RILPL1: variants seen among roughly 807,000 people sequenced by gnomAD.
The protein encoded by RILPL1 is RILP-like protein 1.
RILPL1 carries 33 observed loss-of-function variants against 50.3 expected under a neutral mutation model. The observed-to-expected ratio is 0.66, with a 90% CI of 0.50 to 0.88. The LOEUF is 0.88. RILPL1 is among the 40% of genes least tolerant of loss of function. RILPL1 has a pLI of 0.00. For missense variants in RILPL1, 418 were observed against 542.5 expected (o/e 0.77, Z 2.28); for synonymous variants, 205 against 228.6 (o/e 0.90, Z 0.93).
At chr12:123,507,024 C>A (rs1173091818) in intron 2 of RILPL1, among the ~76,000 whole-genome samples, 1 of 152,022 alleles carries the variant, frequency 6.6e-6, no homozygotes, top group Non-Finnish European at 1.5e-5. Flanking sequence ...CATTTAGCCA[C>A]CAGAATGGCT....
At chr12:123,523,715 CAG>C in intron 1 of RILPL1, 70 bp from the exon 2 acceptor site, 1 of 1,534,344 alleles carries the variant, frequency 6.5e-7, no homozygotes, top group Non-Finnish European at 8.7e-7. Context: ...CTCCGACCCT[CAG>C]GGGCAGCTTG....
At chr12:123,526,696 T>G (rs536451443) in intron 1 of RILPL1, among the ~76,000 whole-genome samples, 18 of 152,144 alleles carry the variant, frequency 1.2e-4, no homozygotes, top group Admixed American at 7.2e-4. Context: ...GCCTGCTGCA[T>G]TGGGGAAGAG....
rs1883988906 is a variant in RILPL1, at chr12:123,510,023, G to GC, written c.461-10488dup. Among the ~76,000 whole-genome samples, 3 of 152,340 alleles carry GC rather than the reference G, an allele frequency of 2.0e-5. No homozygotes were observed. The South Asian group carries it at 6.2e-4, about 32-fold the overall frequency. ...AGGAAGGTGGGAAAGACAGGGGAAGGCCCCCCTGGACCCTTGGGGAGCCCA... is the reference window on the plus strand; with the variant it reads ...AGGAAGGTGGGAAAGACAGGGGAAGGCCCCCCCTGGACCCTTGGGGAGCCCA... On this transcript the variant is annotated intron_variant, in intron 2 of 6. Coordinates refer to ENST00000376874, the MANE Select transcript of RILPL1 (RefSeq NM_178314.5).
Position 123,511,814 on chromosome 12 carries a change from TCTG to T in RILPL1, c.460+11678_460+11680del, listed in dbSNP as rs1319534674. ...TGAGGTCTGTGTGTGGTGTGTGAGG[TCTG>T]TGTGTGTGTGTGAGATCTGTATGTG... On this transcript the variant is annotated intron_variant, in intron 2 of 6. Coordinates refer to ENST00000376874, the MANE Select transcript of RILPL1 (RefSeq NM_178314.5). 2.7e-4 allele frequency among the ~76,000 whole-genome samples: 28 copies of T among 105,340 alleles called. 1 individual carries two copies. The highest frequency in any genetic ancestry group is 1.9e-4 in the Admixed American group (2 of 10,434). 69.1% of individuals were successfully genotyped at this position (105,340 alleles called of 152,430 possible).
chr12:123,517,420 T>C (rs945391219), intron 2 of RILPL1, among the ~76,000 whole-genome samples: 1 of 139,206 alleles, frequency 7.2e-6, no homozygotes, highest in African/African-American at 2.8e-5. Context: ...ATTTTGTTGT[T>C]ATTGTTTTTT....
chr12:123,475,377 GACCTTCTTT>G (rs1881517561), intron 6 of RILPL1: 1 of 442,632 alleles, frequency 2.3e-6, no homozygotes. Context: ...TCACTTAAAG[GACCTTCTTT>G]ACTGGATCAT....
At chr12:123,493,860 A>G (rs375550139) in intron 4 of RILPL1, among the ~76,000 whole-genome samples, 3 of 150,108 alleles carry the variant, frequency 2.0e-5, no homozygotes, top group East Asian at 2.0e-4. Context: ...TCTCGGCTCA[A>G]TGCAACCTCC....
intron 2 of RILPL1, among the ~76,000 whole-genome samples, chr12:123,510,906 T>C (rs1268757825): frequency 1.0e-5 from 1 of 98,568 alleles, no homozygotes; most frequent in Admixed American, 1.0e-4. Flanking sequence ...TGTGTGTGTA[T>C]TGTGTGAGGT....
At position 123,487,932 on chromosome 12, in the gene RILPL1, T is replaced by C. The variant is rs573719643; in HGVS notation, c.802-2127A>G. Among the ~76,000 whole-genome samples the C allele has an allele frequency of 1.6e-4, 24 of 152,302 alleles. 1 individual carries two copies. In the South Asian group the frequency reaches 4.6e-3, roughly 29 times the overall value. On this transcript the variant is annotated intron_variant, in intron 4 of 6. Transcript: ENST00000376874. ...TTCTCTATATTCTTGCCAACAGTTA[T>C]TTTCCTTTTTTTTCTTAATCACAAG...
At position 123,523,964 on chromosome 12, in the gene RILPL1, TC is replaced by T. The variant is rs567976486; in HGVS notation, c.310-320del. Among the ~76,000 whole-genome samples, 195 of 152,148 alleles carry T rather than the reference TC, an allele frequency of 1.3e-3. 1 individual carries two copies. Among genetic ancestry groups the T allele is most frequent in the Non-Finnish European group, 2.1e-3 (144 of 67,978 alleles). On this transcript the variant is annotated intron_variant, in intron 1 of 6. Transcript: ENST00000376874. ...ACAGAGCAGCCCCAGGATACGGGGG[TC>T]CGAACGTTCCTAACCTCTGGGGGGC...
chr12:123,502,675 G>A (rs1472335022), intron 2 of RILPL1, among the ~76,000 whole-genome samples: 1 of 152,204 alleles, frequency 6.6e-6, no homozygotes, highest in Non-Finnish European at 1.5e-5. Flanking sequence ...CACCGCAGGT[G>A]CCCATTAAGT....
At chr12:123,484,313 T>G (rs1882190380) in intron 5 of RILPL1, 41 bp from the exon 6 acceptor site, 2 of 1,322,938 alleles carry the variant, frequency 1.5e-6, no homozygotes, top group Non-Finnish European at 1.1e-6. Flanking sequence ...GAGTCAAAAG[T>G]TCCTTGAGAA....
chr12:123,476,483 A>G (rs1175985251), intron 6 of RILPL1, among the ~76,000 whole-genome samples: 1 of 151,496 alleles, frequency 6.6e-6, no homozygotes, highest in Non-Finnish European at 1.5e-5. Flanking sequence ...TTACAAATGT[A>G]ACTAGTTAAG....
Position 123,485,776 on chromosome 12 carries a change from G to T in RILPL1, c.831C>A (p.Ser277=), listed in dbSNP as rs758998790. 6.2e-7 allele frequency: 1 copy of T among 1,610,190 alleles called. No individual in the cohort carries two copies. The highest frequency in any genetic ancestry group is 8.5e-7 in the Non-Finnish European group (1 of 1,178,442). The change falls in exon 5 of 7, where the codon TCC becomes TCA. Residue 277 remains serine, a synonymous_variant. Coordinates refer to ENST00000376874, the MANE Select transcript of RILPL1 (RefSeq NM_178314.5). This position sits in a 1 kb window ranked among gnomAD's most constrained non-coding sequence, Gnocchi z 4.0. Reference sequence around the variant, plus strand: ...GATCCATGGCCACCTTCTCTGCGTCGGAGATGCTCTCCTCTCCCACCGGCT... The same window carrying T: ...GATCCATGGCCACCTTCTCTGCGTCTGAGATGCTCTCCTCTCCCACCGGCT... ...ETEPVGEESI[S]DAEKVAMDLK...
chr12:123,526,608 C>T (rs1283757047), intron 1 of RILPL1, among the ~76,000 whole-genome samples: 2 of 152,236 alleles, frequency 1.3e-5, no homozygotes, highest in Non-Finnish European at 2.9e-5. Flanking sequence ...TCATCACAAG[C>T]GGCCAGGTGG....
intron 2 of RILPL1, among the ~76,000 whole-genome samples, chr12:123,523,226 T>C (rs924659888): frequency 1.3e-5 from 2 of 152,168 alleles, no homozygotes; most frequent in East Asian, 3.9e-4. Flanking sequence ...GTTTAACACA[T>C]ATCCCAGGGC....
intron 2 of RILPL1, among the ~76,000 whole-genome samples, chr12:123,503,420 CA>C (rs1883534025): frequency 6.6e-6 from 1 of 151,716 alleles, no homozygotes; most frequent in Admixed American, 6.6e-5. Flanking sequence ...AGGCTGGTCT[CA>C]AACTCCTGAC....
At chr12:123,488,843 C>G (rs1442040420) in intron 4 of RILPL1, among the ~76,000 whole-genome samples, 1 of 152,204 alleles carries the variant, frequency 6.6e-6, no homozygotes, top group Non-Finnish European at 1.5e-5. Flanking sequence ...CACCCAAGAA[C>G]AAGGGGAGGA....
chr12:123,532,707 G>GGGT (rs1555270624), intron 1 of RILPL1, among the ~76,000 whole-genome samples: 2 of 121,930 alleles, frequency 1.6e-5, no homozygotes, highest in Non-Finnish European at 3.6e-5. Flanking sequence ...GGAGACTGGG[G>GGGT]GGGGGGGGGA....
Sources: allele counts gnomAD v4.1 joint callset (sites outside exome capture counted in the v4.1 genomes callset), GRCh38; gene constraint gnomAD v4.1.1; non-coding constraint Gnocchi (gnomAD v3.1); transcripts MANE v1.5; gene names NCBI Gene and HGNC (gene_info 2026-07-23, HGNC 2026-07-21).